FERMT2: variants seen among roughly 807,000 people sequenced by gnomAD.
FERMT2 encodes the protein fermitin family homolog 2.
In FERMT2, 15 loss-of-function variants were observed where a neutral mutation model predicts 82.7. The observed-to-expected ratio is 0.18, with a 90% CI of 0.12 to 0.28. The LOEUF (loss-of-function observed/expected upper bound fraction) is 0.28. Ranked by LOEUF, FERMT2 falls within the 10% of genes least tolerant of loss-of-function variation. The pLI is 1.00. For synonymous variants in FERMT2, 274 were observed against 271.5 expected (o/e 1.01, Z -0.09); for missense variants, 645 against 809.4 (o/e 0.80, Z 2.46).
chr14:52,891,881 A>T (rs1886952518), intron 4 of FERMT2, among the ~76,000 whole-genome samples: 1 of 152,166 alleles, frequency 6.6e-6, no homozygotes, highest in South Asian at 2.1e-4. Flanking sequence ...AACAGACATC[A>T]CCTGCATGCC....
rs373339328 is a variant in FERMT2, at chr14:52,900,992, G to A, written c.392-7565C>T. On this transcript the variant is annotated intron_variant, in intron 3 of 14. Transcript: ENST00000341590. ...GATATTGCCCCAGGCCAGGCGCAGT[G>A]GCTCATGCCTGTAATCCTAGCACTT... 3.3e-5 allele frequency among the ~76,000 whole-genome samples: 5 copies of A among 151,628 alleles called. No homozygotes were observed. The East Asian group carries it at 5.8e-4, about 18-fold the overall frequency.
At chr14:52,884,989 G>A (rs535781016) in intron 4 of FERMT2, among the ~76,000 whole-genome samples, 2 of 151,662 alleles carry the variant, frequency 1.3e-5, no homozygotes, top group South Asian at 2.1e-4. Flanking sequence ...GTGACAGAAT[G>A]AGACTGTGTT....
chr14:52,950,620 C>T, intron 1 of FERMT2, 43 bp from the exon 2 acceptor site: 1 of 1,587,916 alleles, frequency 6.3e-7, no homozygotes. Context: ...GTCACTCCCC[C>T]AAAGAAAGGC....
At chr14:52,901,438 A>C (rs564407331) in intron 3 of FERMT2, among the ~76,000 whole-genome samples, 2 of 152,140 alleles carry the variant, frequency 1.3e-5, no homozygotes, top group Non-Finnish European at 2.9e-5. Flanking sequence ...TGCTGTGAGG[A>C]GTTTTTGCAA....
chr14:52,912,040 A>C (rs1187477740), intron 3 of FERMT2, among the ~76,000 whole-genome samples: 1 of 150,112 alleles, frequency 6.7e-6, no homozygotes, highest in Non-Finnish European at 1.5e-5. Context: ...AGACTGCAGC[A>C]CAGAGCCTGC....
chr14:52,915,307 C>T (rs1888556053), intron 3 of FERMT2, among the ~76,000 whole-genome samples: 1 of 152,106 alleles, frequency 6.6e-6, no homozygotes, highest in South Asian at 2.1e-4. Flanking sequence ...ACATACAATT[C>T]CAAAATCAAC....
rs757818353 is a variant in FERMT2, at chr14:52,878,550, A to G, written c.963+32T>C. ...AAAATACCTCCCTACCCTTTACCGG[A>G]ATAAGTCCCATTTACTAGACCTTTC... On this transcript the variant is annotated intron_variant, in intron 7 of 14. Coordinates refer to ENST00000341590, the MANE Select transcript of FERMT2 (RefSeq NM_006832.3). 2.0e-5 allele frequency: 26 copies of G among 1,332,260 alleles called. 1 individual carries two copies. The South Asian group carries it at 3.1e-4, about 16-fold the overall frequency. The allele number at this position is 1,332,260 out of a possible 1,614,324, so 82.5% of individuals were successfully genotyped here.
At chr14:52,933,073 T>G (rs1403047871) in intron 2 of FERMT2, among the ~76,000 whole-genome samples, 3 of 151,810 alleles carry the variant, frequency 2.0e-5, no homozygotes, top group East Asian at 1.9e-4. Context: ...CTCCCTATAC[T>G]TCTGCCCCCA....
At chr14:52,858,607 C>T (rs1362567558) in intron 14 of FERMT2, 57 bp from the exon 15 acceptor site, 9 of 1,499,554 alleles carry the variant, frequency 6.0e-6, no homozygotes, top group Non-Finnish European at 9.2e-7. Context: ...GCTGGGTCCA[C>T]ACAAAACTAC....
intron 3 of FERMT2, among the ~76,000 whole-genome samples, chr14:52,899,672 T>C (rs1887508852): frequency 6.6e-6 from 1 of 152,188 alleles, no homozygotes; most frequent in Admixed American, 6.6e-5. Context: ...TAGTTCCATA[T>C]TGGAACTGGG....
chr14:52,881,251 T>C lies in FERMT2; in HGVS notation c.745A>G (p.Asn249Asp). The C allele has an allele frequency of 6.2e-7, 1 of 1,613,716 alleles. No individual in the cohort carries two copies. The highest frequency in any genetic ancestry group is 8.5e-7 in the Non-Finnish European group (1 of 1,179,706). Reference protein sequence around the residue: ...PQALLDKAKINQGWLDSSRSL... With the variant: ...PQALLDKAKIDQGWLDSSRSL... ...CTATATCTTAAAACTTACCCTTGGT[T>C]GATTTTTGCTTTATCAAGAAGAGCT... Residue 249 changes from asparagine (N) to aspartate (D), a missense_variant, in exon 5 of 15, where the codon AAC becomes GAC. By Grantham distance (23) the Asn-to-Asp change is conservative. Coordinates refer to ENST00000341590, the MANE Select transcript of FERMT2 (RefSeq NM_006832.3).
At chr14:52,887,791 C>A (rs537625451) in intron 4 of FERMT2, among the ~76,000 whole-genome samples, 2 of 150,350 alleles carry the variant, frequency 1.3e-5, no homozygotes, top group Non-Finnish European at 2.9e-5. Flanking sequence ...ACGAAAATTA[C>A]TTAACTAAAG....
chr14:52,890,687 TC>T (rs1305791375), intron 4 of FERMT2, among the ~76,000 whole-genome samples: 2 of 149,526 alleles, frequency 1.3e-5, no homozygotes, highest in East Asian at 4.1e-4. Context: ...CACTGCAACC[TC>T]CGCCTCCCAG....
chr14:52,863,314 G>A (rs1885068161), intron 12 of FERMT2: 1 of 151,816 alleles, frequency 6.6e-6, no homozygotes, highest in Admixed American at 6.6e-5. Context: ...TTAAAGTTAA[G>A]GAATTAGTAA....
chr14:52,936,683 C>A (rs889874675), intron 2 of FERMT2, among the ~76,000 whole-genome samples: 6 of 152,244 alleles, frequency 3.9e-5, no homozygotes, highest in South Asian at 4.2e-4. Flanking sequence ...CTATCCCTTA[C>A]CCACATCTCC....
At chr14:52,914,874 A>C (rs1888532449) in intron 3 of FERMT2, among the ~76,000 whole-genome samples, 1 of 152,034 alleles carries the variant, frequency 6.6e-6, no homozygotes, top group African/African-American at 2.4e-5. Context: ...GAGCGAAGAT[A>C]CCACCACTGA....
At chr14:52,895,049 T>A (rs574314190) in intron 3 of FERMT2, among the ~76,000 whole-genome samples, 1 of 152,212 alleles carries the variant, frequency 6.6e-6, no homozygotes, top group Admixed American at 6.5e-5. Flanking sequence ...AGAAGACAAA[T>A]GAACTAAGAT....
At position 52,857,279 on chromosome 14, in the gene FERMT2, A is replaced by G. The variant is rs565061915; in HGVS notation, c.*1098T>C. The G allele has an allele frequency of 6.5e-6, 1 of 152,772 alleles. No homozygotes were observed. The highest frequency in any genetic ancestry group is 1.9e-4 in the East Asian group (1 of 5,188). 9.5% of individuals were successfully genotyped at this position (152,772 alleles called of 1,614,324 possible). ...ACAAGTACAAAAATAAATATTAAAT[A>G]AAAGTTTTGCTTTTATTTAAAATAA... On this transcript the variant is annotated 3_prime_UTR_variant, in exon 15 of 15. Transcript: ENST00000341590.
chr14:52,930,670 T>C (rs1889524244), intron 2 of FERMT2, among the ~76,000 whole-genome samples: 1 of 152,306 alleles, frequency 6.6e-6, no homozygotes, highest in East Asian at 1.9e-4. Flanking sequence ...AGATACAATT[T>C]GTTGTTGTCT....
Sources: gnomAD v4.1 joint callset for allele counts (sites outside exome capture counted in the v4.1 genomes callset) on GRCh38, gnomAD v4.1.1 for gene constraint, MANE v1.5 for transcripts, NCBI Gene and HGNC (gene_info 2026-07-23, HGNC 2026-07-21) for gene names.